The following NALCN variants were observed in gnomAD, a reference collection of about 807,000 sequenced individuals.
NALCN encodes the protein sodium leak channel NALCN.
A neutral mutation model predicts 225.3 loss-of-function variants in NALCN; 111 were observed. That is an observed-to-expected ratio of 0.49 (90% CI 0.42 to 0.58). The LOEUF (loss-of-function observed/expected upper bound fraction) is 0.58. Ranked by LOEUF, NALCN falls within the 20% of genes least tolerant of loss-of-function variation. The probability of loss-of-function intolerance (pLI) is 0.00; values close to 1 mark genes in which losing one functional copy is unlikely to be tolerated. For synonymous variants in NALCN, 764 were observed against 769.0 expected (o/e 0.99, Z 0.11); for missense variants, 1,378 against 2,202.4 (o/e 0.63, Z 7.49).
intron 3 of NALCN, among the ~76,000 whole-genome samples, chr13:101,391,971 TGA>T (rs750958009): frequency 1.5e-4 from 22 of 146,578 alleles, no homozygotes; most frequent in Non-Finnish European, 2.2e-4. Context: ...GTGACAAGAG[TGA>T]GACTCCATCT....
chr13:101,252,371 T>TG (rs1004231877), intron 11 of NALCN, among the ~76,000 whole-genome samples: 1 of 152,184 alleles, frequency 6.6e-6, no homozygotes, highest in African/African-American at 2.4e-5. Context: ...ATATTTCCTG[T>TG]GGGGGACTAA....
At position 101,058,038 on chromosome 13, in the gene NALCN, G is replaced by T; in HGVS notation, c.4924C>A (p.Leu1642Ile). ...CGATCCGACAGCGTGGGGCTCAGGA[G>T]CTGCTGCTGGCTGCTTGTCTGCATG... ...MQPETSSQQQ[L>I]LSPTLSDRGG... Residue 1642 changes from leucine to isoleucine, a missense_variant, in exon 43 of 44, where the codon CTC becomes ATC. By Grantham distance (5) the Leu-to-Ile change is conservative. Around this residue, in one of 19 missense-constraint regions of NALCN, gnomAD observed 145 missense variants for 169.6 expected, o/e 0.85. Transcript: ENST00000251127. 1 of 1,612,848 alleles carries T rather than the reference G, an allele frequency of 6.2e-7. No individual in the cohort carries two copies. The highest frequency in any genetic ancestry group is 8.5e-7 in the Non-Finnish European group (1 of 1,179,950).
intron 28 of NALCN, among the ~76,000 whole-genome samples, chr13:101,090,955 G>A (rs567891256): frequency 1.3e-5 from 2 of 152,038 alleles, no homozygotes; most frequent in East Asian, 3.9e-4. Context: ...CTTCTGTGGG[G>A]GCCAGGGATG....
intron 27 of NALCN, 48 bp downstream of exon 27, chr13:101,100,736 C>T: frequency 6.7e-7 from 1 of 1,497,276 alleles, no homozygotes; most frequent in Non-Finnish European, 9.1e-7. Context: ...CATGCCACCA[C>T]ACTTGGCCCT....
chr13:101,221,913 G>C (rs2040955266), intron 13 of NALCN, among the ~76,000 whole-genome samples: 1 of 152,070 alleles, frequency 6.6e-6, no homozygotes, highest in Admixed American at 6.5e-5. Context: ...TGCCATTATT[G>C]CTAAACCCCT....
intron 12 of NALCN, among the ~76,000 whole-genome samples, chr13:101,231,118 A>G (rs1230868766): frequency 1.3e-5 from 2 of 152,162 alleles, no homozygotes; most frequent in Non-Finnish European, 2.9e-5. Context: ...AAACTCTATG[A>G]TCACACGACA....
Position 101,191,967 on chromosome 13 carries a change from C to A in NALCN, c.1714G>T (p.Ala572Ser), listed in dbSNP as rs1385150576. 6.2e-7 allele frequency: 1 copy of A among 1,608,882 alleles called. No individual in the cohort carries two copies. The highest frequency in any genetic ancestry group is 8.5e-7 in the Non-Finnish European group (1 of 1,177,738). Reference protein sequence around the residue: ...QTLNAVGHMWAPVVAIYFILY... With the variant: ...QTLNAVGHMWSPVVAIYFILY... Reference sequence around the variant, plus strand: ...ATGAAATAGATGGCAACCACGGGTGCCCACATATGTCCCACAGCATTTAGA... The same window carrying A: ...ATGAAATAGATGGCAACCACGGGTGACCACATATGTCCCACAGCATTTAGA... Residue 572 changes from alanine to serine, a missense_variant, in exon 14 of 44, where the codon GCA (alanine) becomes TCA (serine). By Grantham distance (99) the Ala-to-Ser change is moderately conservative. Coordinates refer to ENST00000251127, the MANE Select transcript of NALCN (RefSeq NM_052867.4).
chr13:101,389,153 A>C (rs1163438977), intron 3 of NALCN, among the ~76,000 whole-genome samples: 1 of 152,168 alleles, frequency 6.6e-6, no homozygotes, highest in Non-Finnish European at 1.5e-5. Flanking sequence ...AGATACAGAC[A>C]ATTTTGGAAT....
At chr13:101,166,780 A>G (rs1326366580) in intron 15 of NALCN, among the ~76,000 whole-genome samples, 1 of 152,162 alleles carries the variant, frequency 6.6e-6, no homozygotes, top group African/African-American at 2.4e-5. Context: ...GCCATATCCA[A>G]TAAATCATTG....
intron 11 of NALCN, among the ~76,000 whole-genome samples, chr13:101,257,214 T>TTG (rs1433292117): frequency 1.3e-5 from 2 of 148,640 alleles, no homozygotes; most frequent in Non-Finnish European, 3.0e-5. Flanking sequence ...TTATTGTTTT[T>TTG]TTTTTTTTTT....
At chr13:101,374,096 C>A (rs914237294) in intron 6 of NALCN, among the ~76,000 whole-genome samples, 4 of 151,812 alleles carry the variant, frequency 2.6e-5, no homozygotes, top group African/African-American at 9.7e-5. Flanking sequence ...TTAGTAGCAA[C>A]AGTATTTTTC....
chr13:101,415,248 G>C (rs145794584), intron 1 of NALCN, among the ~76,000 whole-genome samples: 1 of 68,266 alleles, frequency 1.5e-5, no homozygotes, highest in Admixed American at 1.4e-4. Context: ...TTTCAAAATC[G>C]CCACCTGTTA....
chr13:101,104,511 T>C lies in NALCN; in HGVS notation c.2757+19A>G. 1 of 1,613,828 alleles carries C rather than the reference T, an allele frequency of 6.2e-7. No individual in the cohort carries two copies. Among genetic ancestry groups the C allele is most frequent in the African/African-American group, 1.3e-5 (1 of 75,026 alleles). On this transcript the variant is annotated intron_variant, in intron 24 of 43. Coordinates refer to ENST00000251127, the MANE Select transcript of NALCN (RefSeq NM_052867.4). The surrounding 1 kb of genome is among the most constrained non-coding windows in gnomAD (Gnocchi z 4.2). ...TACCTCCTAGTTGTAAGCTGAGATT[T>C]TGCAGCGGTAAGCGGTACCTGCAAA...
At chr13:101,248,011 G>A (rs991662151) in intron 11 of NALCN, among the ~76,000 whole-genome samples, 7 of 152,178 alleles carry the variant, frequency 4.6e-5, no homozygotes, top group South Asian at 2.1e-4. Flanking sequence ...CCTTTTTATC[G>A]CTGCCTAGTA....
intron 10 of NALCN, among the ~76,000 whole-genome samples, chr13:101,269,943 A>C (rs1337129675): frequency 6.6e-6 from 1 of 152,200 alleles, no homozygotes; most frequent in Non-Finnish European, 1.5e-5. Context: ...GGTAATAATA[A>C]AAATAAGAAT....
chr13:101,280,700 G>A (rs144245671), intron 10 of NALCN, among the ~76,000 whole-genome samples: 251 of 152,148 alleles, frequency 1.6e-3, no homozygotes, highest in Admixed American at 5.7e-3. Context: ...ATGGGGCTAG[G>A]AGCCATAAGA....
At chr13:101,094,638 A>G (rs1259235914) in intron 28 of NALCN, among the ~76,000 whole-genome samples, 1 of 152,086 alleles carries the variant, frequency 6.6e-6, no homozygotes, top group African/African-American at 2.4e-5. Flanking sequence ...CTGAAGCCAC[A>G]TACCCCAAAT....
rs2031128217 is a variant in NALCN at position 101,055,592 on chromosome 13, G to A, written c.5024-104C>T. Reference sequence around the variant, plus strand: ...CCCATCAGTGATACTTTTGGCTAACGTGTCCTAGCCACAGATGCTAAGTAA... The same window carrying A: ...CCCATCAGTGATACTTTTGGCTAACATGTCCTAGCCACAGATGCTAAGTAA... On this transcript the variant is annotated intron_variant, in intron 43 of 43. Transcript: ENST00000251127. 1.3e-5 allele frequency: 12 copies of A among 927,306 alleles called. No homozygotes were observed. The East Asian group carries it at 2.6e-4, about 20-fold the overall frequency. 57.4% of individuals were successfully genotyped at this position (927,306 alleles called of 1,614,324 possible).
At chr13:101,097,787 G>A (rs1297276998) in intron 27 of NALCN, among the ~76,000 whole-genome samples, 1 of 152,134 alleles carries the variant, frequency 6.6e-6, no homozygotes, top group Non-Finnish European at 1.5e-5. Flanking sequence ...AGGCATTTCA[G>A]GCACTTGAGG....
Sources: allele counts gnomAD v4.1 joint callset (sites outside exome capture counted in the v4.1 genomes callset), GRCh38; gene constraint gnomAD v4.1.1; regional missense constraint gnomAD v4.1.1; non-coding constraint Gnocchi (gnomAD v3.1); transcripts MANE v1.5; gene names NCBI Gene and HGNC (gene_info 2026-07-23, HGNC 2026-07-21).